TKTL1: variants seen among roughly 807,000 people sequenced by gnomAD.
TKTL1 encodes transketolase like 1, also known as transketolase-like protein 1.
TKTL1 carries 1 observed loss-of-function variant against 39.3 expected under a neutral mutation model. The observed-to-expected ratio is 0.03, with a 90% CI of 0.01 to 0.12. The LOEUF (loss-of-function observed/expected upper bound fraction) is 0.12. Among genes scored for constraint, TKTL1 ranks in the 10% least tolerant of loss-of-function variants. The probability of loss-of-function intolerance (pLI) is 1.00; values close to 1 mark genes in which losing one functional copy is unlikely to be tolerated. For missense variants in TKTL1, 575 were observed against 509.6 expected (o/e 1.13, Z -1.24); for synonymous variants, 262 against 193.8 (o/e 1.35, Z -2.92).
chrX:154,311,310 G>A, intron 5 of TKTL1, 72 bp downstream of exon 5: 1 of 1,173,666 alleles, frequency 8.5e-7, no homozygotes, highest in East Asian at 3.0e-5. Context: ...GGCGGGAGAG[G>A]CTTAGAGGGG....
chrX:154,313,433 A>G (rs1025153081), intron 6 of TKTL1, among the ~76,000 whole-genome samples: 2 of 112,185 alleles, frequency 1.8e-5, no homozygotes, highest in African/African-American at 6.5e-5. Context: ...ATATCATAGC[A>G]GACCTGACAT....
In TKTL1 at chrX:154,324,105, T is replaced by C. The variant is rs782583858; in HGVS notation, c.1317+768T>C. Among the ~76,000 whole-genome samples the C allele has an allele frequency of 5.4e-5, 6 of 111,324 alleles. No homozygotes were observed. The South Asian group carries it at 2.3e-3, about 42-fold the overall frequency. On this transcript the variant is annotated intron_variant, in intron 9 of 12. Coordinates refer to ENST00000369915, the MANE Select transcript of TKTL1 (RefSeq NM_012253.4). ...TTTATAAGTGGGCTCCCGCTTTACA[T>C]ATTATTAGGTACTTTTTTGTGTGGT...
intron 7 of TKTL1, among the ~76,000 whole-genome samples, chrX:154,318,707 C>CAAAAAAAA (rs1208196360): frequency 3.3e-5 from 1 of 30,138 alleles, no homozygotes. Flanking sequence ...GCCTCCGTCT[C>CAAAAAAAA]AAAAAAAAAA....
intron 8 of TKTL1, among the ~76,000 whole-genome samples, chrX:154,322,378 A>G (rs1314040493): frequency 2.7e-5 from 3 of 109,963 alleles, no homozygotes; most frequent in African/African-American, 1.0e-4. Flanking sequence ...CTAAAAATAC[A>G]AAACTTAGCC....
At chrX:154,320,465 G>C in intron 7 of TKTL1, 1 of 347,402 alleles carries the variant, frequency 2.9e-6, no homozygotes, top group Non-Finnish European at 5.1e-6. Context: ...GAACAGGACA[G>C]ATTCAGGATG....
intron 6 of TKTL1, 42 bp downstream of exon 6, chrX:154,312,815 A>C (rs782248890): frequency 2.7e-6 from 3 of 1,123,646 alleles, no homozygotes; most frequent in Non-Finnish European, 3.6e-6. Context: ...AGATACGTCA[A>C]CTGCTTTGTT....
chrX:154,328,545 CAAAAAAAAAAAAAAAAAAAAAAAAAAAA>C (rs59136064), intron 12 of TKTL1, among the ~76,000 whole-genome samples: 126 of 15,315 alleles, frequency 8.2e-3, no homozygotes, highest in Non-Finnish European at 0.015. Flanking sequence ...GACTCTGCCT[CAAAAAAAAAAAAAAAAAAAAAAAAAAAA>C]AAAAAAAAAA....
rs112207842 is a variant in TKTL1, at chrX:154,311,593, C to T, written c.670+355C>T. On this transcript the variant is annotated intron_variant, in intron 5 of 12. Coordinates refer to ENST00000369915, the MANE Select transcript of TKTL1 (RefSeq NM_012253.4). Reference sequence around the variant, plus strand: ...AGAAATAAGAGTGCATACCTACACACGTGCCTAGGCCCACACTCTTCTGGA... The same window carrying T: ...AGAAATAAGAGTGCATACCTACACATGTGCCTAGGCCCACACTCTTCTGGA... 5.3e-3 allele frequency among the ~76,000 whole-genome samples: 593 copies of T among 110,959 alleles called. 2 individuals carry two copies. Among genetic ancestry groups the T allele is most frequent in the Middle Eastern group, 0.014 (3 of 215 alleles).
At chrX:154,316,361 C>T (rs1557169377) in intron 7 of TKTL1, among the ~76,000 whole-genome samples, 1 of 111,051 alleles carries the variant, frequency 9.0e-6, no homozygotes, top group South Asian at 3.7e-4. Context: ...TGAGCCACCG[C>T]GCCCAGCCAG....
chrX:154,305,429 G>A lies in TKTL1; in HGVS notation c.252+8G>A, dbSNP rs369993994. The A allele has an allele frequency of 3.0e-4, 359 of 1,202,997 alleles. No individual in the cohort carries two copies. The highest frequency in any genetic ancestry group is 3.8e-4 in the Non-Finnish European group (336 of 890,445). On this transcript the variant is annotated splice_region_variant and intron_variant, in intron 2 of 12. Coordinates refer to ENST00000369915, the MANE Select transcript of TKTL1 (RefSeq NM_012253.4). ...CGATTTGTCCTCGCAAAGGTATGCCGGTGGGGAGCCCAGGGCTGCTGTGGC... is the reference window on the plus strand; with the variant it reads ...CGATTTGTCCTCGCAAAGGTATGCCAGTGGGGAGCCCAGGGCTGCTGTGGC...
Position 154,321,223 on chromosome X carries a change from G to A in TKTL1, c.1186+310G>A, listed in dbSNP as rs1382944541. Among the ~76,000 whole-genome samples, 5 of 109,281 alleles carry A rather than the reference G, an allele frequency of 4.6e-5. No homozygotes were observed. In the East Asian group the frequency reaches 8.7e-4, roughly 19 times the overall value. 94.9% of individuals were successfully genotyped at this position (109,281 alleles called of 115,157 possible). A position where few individuals can be genotyped will look rare whatever the true frequency, so the allele number is the denominator to read the frequency against. ...GAGTCATGGAGCCTTTTCTGCCCTC[G>A]CTGTGGTTGCAGTCTAACTGAGGGT... is the stretch of plus-strand genomic sequence containing the variant. On this transcript the variant is annotated intron_variant, in intron 8 of 12. Transcript: ENST00000369915.
At chrX:154,306,866 G>A (rs1355212354) in intron 2 of TKTL1, among the ~76,000 whole-genome samples, 3 of 110,327 alleles carry the variant, frequency 2.7e-5, no homozygotes, top group African/African-American at 9.9e-5. Flanking sequence ...CAAACTCCTG[G>A]GCCCAAGCGC....
At chrX:154,327,758 C>G in intron 11 of TKTL1, 71 bp downstream of exon 11, 2 of 1,200,434 alleles carry the variant, frequency 1.7e-6, no homozygotes, top group Non-Finnish European at 2.3e-6. Flanking sequence ...CTCCTGTGCC[C>G]TGAGTGCTCT....
At chrX:154,305,195 T>C in intron 1 of TKTL1, 109 bp from the exon 2 acceptor site, 1 of 1,178,138 alleles carries the variant, frequency 8.5e-7, no homozygotes, top group Admixed American at 2.3e-5. Flanking sequence ...GGTTGGATTC[T>C]TCCCGGGCTG....
chrX:154,296,941 GAGATTGCGCCAC>G (rs2067234328), intron 1 of TKTL1, among the ~76,000 whole-genome samples: 1 of 111,377 alleles, frequency 9.0e-6, no homozygotes, highest in African/African-American at 3.3e-5. Context: ...ACAGTGAACT[GAGATTGCGCCAC>G]CGCACTCCAG....
In TKTL1 at chrX:154,325,390, C is replaced by T. The variant is rs782747271; in HGVS notation, c.1369C>T (p.Pro457Ser). 8.3e-7 allele frequency: 1 copy of T among 1,210,356 alleles called. No individual in the cohort carries two copies. The highest frequency in any genetic ancestry group is 1.7e-5 in the African/African-American group (1 of 57,337). Residue 457 changes from proline to serine, a missense_variant, in exon 10 of 13, where the codon CCA becomes TCA. Coordinates refer to ENST00000369915, the MANE Select transcript of TKTL1 (RefSeq NM_012253.4). ...ACCAGAAACTATGGTTATTTACACC[C>T]CACAAGAACGCTTTGAGATCGGACA... is the stretch of plus-strand genomic sequence containing the variant. ...TRPETMVIYT[P>S]QERFEIGQAK...
intron 2 of TKTL1, among the ~76,000 whole-genome samples, 157 bp from the exon 3 acceptor site, chrX:154,309,188 G>C (rs1557167764): frequency 9.0e-6 from 1 of 110,990 alleles, no homozygotes; most frequent in Admixed American, 9.6e-5. Flanking sequence ...GTGCATATGG[G>C]TGTGGGGAAG....
intron 7 of TKTL1, among the ~76,000 whole-genome samples, chrX:154,319,133 C>T (rs782384965): frequency 1.2e-4 from 13 of 111,706 alleles, no homozygotes; most frequent in Non-Finnish European, 2.3e-4. Flanking sequence ...TGAAACCTTA[C>T]TTACATGAAT....
chrX:154,307,453 G>A (rs1401464619), intron 2 of TKTL1, among the ~76,000 whole-genome samples: 3 of 112,445 alleles, frequency 2.7e-5, no homozygotes, highest in African/African-American at 9.7e-5. Context: ...TCCAGGCAGA[G>A]CAGATCTTTA....
Sources: gnomAD v4.1 joint callset for allele counts (sites outside exome capture counted in the v4.1 genomes callset) on GRCh38, gnomAD v4.1.1 for gene constraint, MANE v1.5 for transcripts, NCBI Gene and HGNC (gene_info 2026-07-23, HGNC 2026-07-21) for gene names.